The following ADGRG7 variants were observed in gnomAD, a reference collection of about 807,000 sequenced individuals.
ADGRG7 encodes adhesion G protein-coupled receptor G7, also known as G-protein coupled receptor 128.
In ADGRG7, 82 loss-of-function variants were observed where a neutral mutation model predicts 88.6. The ratio of observed to expected loss-of-function variants is 0.93; its 90% CI spans 0.77 to 1.11. The LOEUF (loss-of-function observed/expected upper bound fraction) is 1.11. ADGRG7 is among the 50% of genes most tolerant of loss of function. The probability of loss-of-function intolerance (pLI) is 0.00; values close to 1 mark genes in which losing one functional copy is unlikely to be tolerated. For synonymous variants in ADGRG7, 381 were observed against 345.2 expected, an observed-to-expected ratio of 1.10 and a Z score of -1.15; for missense variants, 945 against 953.4, an observed-to-expected ratio of 0.99 and a Z score of 0.12.
At chr3:100,646,822 A>G (rs1202488738) in intron 10 of ADGRG7, 98 bp downstream of exon 10, 4 of 1,005,382 alleles carry the variant, frequency 4.0e-6, no homozygotes, top group East Asian at 2.5e-5. Context: ...TTTAATTTAC[A>G]TAGATTCTCA....
At chr3:100,664,346 G>A (rs1391850850) in intron 14 of ADGRG7, among the ~76,000 whole-genome samples, 3 of 152,088 alleles carry the variant, frequency 2.0e-5, no homozygotes, top group African/African-American at 7.2e-5. Flanking sequence ...TAGAAATGAC[G>A]TAAAAGGAAT....
chr3:100,678,174 T>A (rs2094968113), intron 15 of ADGRG7, among the ~76,000 whole-genome samples: 1 of 152,040 alleles, frequency 6.6e-6, no homozygotes, highest in Non-Finnish European at 1.5e-5. Flanking sequence ...TCAAGCTCAC[T>A]CATTCTTTCT....
rs541591554 is a variant in ADGRG7, at chr3:100,668,998, G to A, written c.2029G>A (p.Ala677Thr). 6.2e-7 allele frequency: 1 copy of A among 1,605,826 alleles called. No individual in the cohort carries two copies. The highest frequency in any genetic ancestry group is 2.2e-5 in the East Asian group (1 of 44,642). ...MKKIVSTLSV[A>T]VVFGITWILA... ...GAAGATTGTTAGCACATTATCTGTT[G>A]CAGTTGTTTTTGGAATTACCTGGAT... is the stretch of plus-strand genomic sequence containing the variant. Residue 677 changes from alanine (A) to threonine (T), a missense_variant, in exon 15 of 16, where the codon GCA becomes ACA. Coordinates refer to ENST00000273352, the MANE Select transcript of ADGRG7 (RefSeq NM_032787.3).
intron 14 of ADGRG7, among the ~76,000 whole-genome samples, chr3:100,664,482 A>C (rs1196643486): frequency 6.6e-6 from 1 of 152,158 alleles, no homozygotes; most frequent in Admixed American, 6.6e-5. Flanking sequence ...TTAGTGATTG[A>C]TGAACATAGT....
At chr3:100,645,855 C>A in intron 8 of ADGRG7, 90 bp from the exon 9 acceptor site, 1 of 1,134,532 alleles carries the variant, frequency 8.8e-7, no homozygotes, top group Non-Finnish European at 1.3e-6. Context: ...AAATATTAAG[C>A]AGCCATGCAC....
At chr3:100,669,311 C>T (rs556818981) in intron 15 of ADGRG7, among the ~76,000 whole-genome samples, 40 of 151,790 alleles carry the variant, frequency 2.6e-4, no homozygotes, top group African/African-American at 8.7e-4. Flanking sequence ...ATGGGGAAAC[C>T]CCATCTCTAC....
intron 8 of ADGRG7, among the ~76,000 whole-genome samples, chr3:100,644,449 A>C (rs1707706131): frequency 6.6e-6 from 1 of 152,360 alleles, no homozygotes; most frequent in African/African-American, 2.4e-5. Context: ...TACTTCATGC[A>C]TACAGAAAAG....
chr3:100,616,925 A>G (rs1707234374), intron 1 of ADGRG7, among the ~76,000 whole-genome samples: 5 of 152,196 alleles, frequency 3.3e-5, no homozygotes, highest in Admixed American at 3.3e-4. Flanking sequence ...ACAGTAATAT[A>G]AAGAGATGTT....
chr3:100,691,069 G>A (rs943181220), intron 15 of ADGRG7, among the ~76,000 whole-genome samples: 5 of 152,202 alleles, frequency 3.3e-5, no homozygotes, highest in East Asian at 1.9e-4. Context: ...AATGGCGGGC[G>A]CCCCTCCCTC....
intron 15 of ADGRG7, among the ~76,000 whole-genome samples, chr3:100,685,349 T>G (rs974567150): frequency 6.6e-6 from 1 of 152,184 alleles, no homozygotes; most frequent in Non-Finnish European, 1.5e-5. Context: ...CTAAAATTCT[T>G]GTATTTTTCC....
intron 1 of ADGRG7, among the ~76,000 whole-genome samples, chr3:100,614,503 G>T (rs573408979): frequency 6.6e-6 from 1 of 152,090 alleles, no homozygotes; most frequent in African/African-American, 2.4e-5. Flanking sequence ...TATTTTATTT[G>T]TATAAATCTT....
At chr3:100,640,456 G>A (rs1707622218) in intron 6 of ADGRG7, among the ~76,000 whole-genome samples, 1 of 152,172 alleles carries the variant, frequency 6.6e-6, no homozygotes, top group African/African-American at 2.4e-5. Context: ...GAGCTCTGGA[G>A]GTGTAGGGTT....
rs200950790 is a variant in ADGRG7, at chr3:100,681,293, A to ATCTTT, written c.2136+12200_2136+12204dup. On this transcript the variant is annotated intron_variant, in intron 15 of 15. Coordinates refer to ENST00000273352, the MANE Select transcript of ADGRG7 (RefSeq NM_032787.3). ...AAACAAAGATGTGTTATTGAAAGAC[A>ATCTTT]TCTTTTCTTTTCTTTTTTTTTTTTT... 6.2e-3 allele frequency among the ~76,000 whole-genome samples: 930 copies of ATCTTT among 150,122 alleles called. 43 individuals carry two copies. In the East Asian group the frequency reaches 0.13, roughly 22 times the overall value.
intron 9 of ADGRG7, 56 bp downstream of exon 9, chr3:100,646,164 G>T: frequency 6.9e-7 from 1 of 1,449,172 alleles, no homozygotes; most frequent in Non-Finnish European, 9.5e-7. Flanking sequence ...TCTTTCTGAT[G>T]GTGGCAGCTG....
intron 15 of ADGRG7, among the ~76,000 whole-genome samples, chr3:100,669,527 C>A (rs2094955783): frequency 2.6e-5 from 2 of 77,270 alleles, no homozygotes; most frequent in Non-Finnish European, 4.6e-5. Flanking sequence ...GAGTGAGACT[C>A]CATCTCAAAA....
chr3:100,620,744 C>T (rs653002), intron 1 of ADGRG7, among the ~76,000 whole-genome samples: 36,106 of 151,918 alleles, frequency 0.24, 5,422 homozygotes, highest in Non-Finnish European at 0.34. Flanking sequence ...ATTATTAAAT[C>T]GTATACATCA....
At chr3:100,662,949 T>C (rs2094947433) in intron 14 of ADGRG7, among the ~76,000 whole-genome samples, 1 of 152,108 alleles carries the variant, frequency 6.6e-6, no homozygotes, top group Non-Finnish European at 1.5e-5. Context: ...TCTATACAAA[T>C]GTTTGAGAAC....
intron 15 of ADGRG7, among the ~76,000 whole-genome samples, chr3:100,673,620 C>G (rs1296314668): frequency 6.6e-6 from 1 of 152,016 alleles, no homozygotes; most frequent in Non-Finnish European, 1.5e-5. Flanking sequence ...AACCACCATG[C>G]CTGGCTAATT....
At chr3:100,686,631 G>A (rs887123569) in intron 15 of ADGRG7, among the ~76,000 whole-genome samples, 7 of 152,128 alleles carry the variant, frequency 4.6e-5, no homozygotes, top group Non-Finnish European at 1.0e-4. Context: ...ATTAAATAGG[G>A]AATCCTTTCC....
Sources: gnomAD v4.1 joint callset for allele counts (sites outside exome capture counted in the v4.1 genomes callset) on GRCh38, gnomAD v4.1.1 for gene constraint, MANE v1.5 for transcripts, NCBI Gene and HGNC (gene_info 2026-07-23, HGNC 2026-07-21) for gene names.